The following COL20A1 variants were observed in gnomAD, a reference collection of about 807,000 sequenced individuals.
The protein encoded by COL20A1 is collagen type XX alpha 1 chain, also known as collagen alpha-1(XX) chain.
A neutral mutation model predicts 152.9 loss-of-function variants in COL20A1; 164 were observed. The ratio of observed to expected loss-of-function variants is 1.07; its 90% confidence interval spans 0.94 to 1.22. The LOEUF (loss-of-function observed/expected upper bound fraction) is 1.22, where lower values mean the gene tolerates loss of function less well. Among genes scored for constraint, COL20A1 ranks in the 50% most tolerant of loss-of-function variants. The probability of loss-of-function intolerance (pLI) is 0.00; values close to 1 mark genes in which losing one functional copy is unlikely to be tolerated. For synonymous variants in COL20A1, 864 were observed against 756.0 expected (o/e 1.14, Z -2.34); for missense variants, 1,873 against 1,744.8 (o/e 1.07, Z -1.31).
At chr20:63,295,779 G>A (rs549366194) in intron 2 of COL20A1, among the ~76,000 whole-genome samples, 1 of 152,246 alleles carries the variant, frequency 6.6e-6, no homozygotes, top group African/African-American at 2.4e-5. Context: ...TCTTCCTCCT[G>A]TTGAGAAATG....
intron 34 of COL20A1, 104 bp downstream of exon 34, chr20:63,328,602 C>G: frequency 1.8e-6 from 2 of 1,119,004 alleles, no homozygotes; most frequent in Non-Finnish European, 2.5e-6. Flanking sequence ...CACAGCAGCT[C>G]CTGCTGGAGA....
At chr20:63,308,115 T>C in intron 7 of COL20A1, 25 bp downstream of exon 7, 1 of 1,610,624 alleles carries the variant, frequency 6.2e-7, no homozygotes. Context: ...TGCCCCTCCC[T>C]CTGTCCTGAG....
At chr20:63,328,826 C>T (rs1471558464) in intron 34 of COL20A1, among the ~76,000 whole-genome samples, 2 of 151,294 alleles carry the variant, frequency 1.3e-5, no homozygotes, top group African/African-American at 2.4e-5. Context: ...CCCTCCCGCC[C>T]TCCTGTCCTC....
At position 63,330,982 on chromosome 20, in the gene COL20A1, C is replaced by G. The variant is rs942579640; in HGVS notation, c.*266C>G. On this transcript the variant is annotated 3_prime_UTR_variant, in exon 36 of 36. Coordinates refer to ENST00000358894, the MANE Select transcript of COL20A1 (RefSeq NM_020882.4). ...CCTGGGAGAGTGTCCCCCACCCTGG[C>G]TCTGTGCACCCCACCTTGAGGCCCT... is the stretch of plus-strand genomic sequence containing the variant. 3 of 152,436 alleles carry G rather than the reference C, an allele frequency of 2.0e-5. No homozygotes were observed. The highest frequency in any genetic ancestry group is 7.2e-5 in the African/African-American group (3 of 41,454). The allele number at this position is 152,436 out of a possible 1,614,324, so 9.4% of individuals were successfully genotyped here.
intron 3 of COL20A1, among the ~76,000 whole-genome samples, chr20:63,300,280 T>G (rs747177431): frequency 1.3e-5 from 2 of 152,242 alleles, no homozygotes; most frequent in Admixed American, 6.5e-5. Flanking sequence ...TTGTGTAATG[T>G]TGGTGGTATT....
Position 63,321,215 on chromosome 20 carries a change from CAG to C in COL20A1, c.3240+119_3240+120del, listed in dbSNP as rs529706310. The C allele has an allele frequency of 3.0e-5, 20 of 658,180 alleles. No homozygotes were observed. In the East Asian group the frequency reaches 4.1e-4, roughly 14 times the overall value. 40.8% of individuals were successfully genotyped at this position (658,180 alleles called of 1,614,324 possible). On this transcript the variant is annotated intron_variant, in intron 26 of 35. Coordinates refer to ENST00000358894, the MANE Select transcript of COL20A1 (RefSeq NM_020882.4). ...CCCGGTCCATGCCCCCGTCCTGCCG[CAG>C]AGTTGGGATGTATTTCATGAGCCTC...
In COL20A1 at chr20:63,305,402, C is replaced by G; in HGVS notation, c.194-15C>G. 6.7e-7 allele frequency: 1 copy of G among 1,488,904 alleles called. No homozygotes were observed. The highest frequency in any genetic ancestry group is 8.9e-7 in the Non-Finnish European group (1 of 1,122,490). The allele number at this position is 1,488,904 out of a possible 1,614,324, so 92.2% of individuals were successfully genotyped here. On this transcript the variant is annotated splice_polypyrimidine_tract_variant and intron_variant, in intron 3 of 35. Transcript: ENST00000358894. This position sits in a 1 kb window ranked among gnomAD's most constrained non-coding sequence, Gnocchi z 4.9. The stretch of plus-strand genomic sequence containing the variant: ...GTGCACCTTGGCCTCTAAAGCTCTC[C>G]CCACCCCTACCCAGGGGACTCGGAA...
At position 63,319,973 on chromosome 20, in the gene COL20A1, C is replaced by T. The variant is rs2068137197; in HGVS notation, c.2917-66C>T. On this transcript the variant is annotated intron_variant, in intron 23 of 35. Transcript: ENST00000358894. The surrounding 1 kb of genome is among the most constrained non-coding windows in gnomAD (Gnocchi z 4.4). ...GTGTTACTCCCCAGCCCTGGCCTGG[C>T]CTTGGGGGCTCAGGTGGGCACCGGC... 7.5e-7 allele frequency: 1 copy of T among 1,325,394 alleles called. No homozygotes were observed. The highest frequency in any genetic ancestry group is 9.9e-7 in the Non-Finnish European group (1 of 1,012,074). The allele number at this position is 1,325,394 out of a possible 1,614,324, so 82.1% of individuals were successfully genotyped here. A position where few individuals can be genotyped will look rare whatever the true frequency, so the allele number is the denominator to read the frequency against.
Position 63,322,000 on chromosome 20 carries a change from TG to T in COL20A1, c.3241-57del. 3 of 1,436,350 alleles carry T rather than the reference TG, an allele frequency of 2.1e-6. No homozygotes were observed. The South Asian group carries it at 4.0e-5, about 19-fold the overall frequency. The allele number at this position is 1,436,350 out of a possible 1,614,324, so 89.0% of individuals were successfully genotyped here. On this transcript the variant is annotated intron_variant, in intron 26 of 35. Transcript: ENST00000358894. ...GGCATGGGGCTCAGGGGCTGGTCTT[TG>T]CTCCTCTACCTTGGTTGGGTAGTTC...
intron 3 of COL20A1, among the ~76,000 whole-genome samples, chr20:63,304,130 C>A (rs1337121470): frequency 1.6e-5 from 2 of 127,276 alleles, no homozygotes; most frequent in African/African-American, 6.1e-5. Context: ...CCTCCCTCCT[C>A]TTCTCCCTCC....
chr20:63,313,902 G>GTAGA lies in COL20A1; in HGVS notation c.2358+12_2358+15dup. On this transcript the variant is annotated intron_variant, in intron 18 of 35. Transcript: ENST00000358894. This position sits in a 1 kb window ranked among gnomAD's most constrained non-coding sequence, Gnocchi z 5.9. The stretch of plus-strand genomic sequence containing the variant: ...GGACCCGAGAAATCCGTGAGTCTTG[G>GTAGA]TAGAGCCTGAGGCTGCCCCACCTCG... 2 of 1,595,316 alleles carry GTAGA rather than the reference G, an allele frequency of 1.3e-6. No homozygotes were observed. The highest frequency in any genetic ancestry group is 4.5e-5 in the East Asian group (2 of 44,764).
intron 5 of COL20A1, among the ~76,000 whole-genome samples, 193 bp from the exon 6 acceptor site, chr20:63,307,297 G>A (rs903625223): frequency 5.3e-5 from 8 of 152,240 alleles, no homozygotes; most frequent in Non-Finnish European, 8.8e-5. Flanking sequence ...TCACATTAGC[G>A]GTGGCTCGAT....
At position 63,305,954 on chromosome 20, in the gene COL20A1, C is replaced by A. The variant is rs777070449; in HGVS notation, c.411C>A (p.Thr137=). The A allele has an allele frequency of 6.2e-7, 1 of 1,612,688 alleles. No homozygotes were observed. Among genetic ancestry groups the A allele is most frequent in the African/African-American group, 1.3e-5 (1 of 75,054 alleles). ...RPLGSGAPEP[T]PSHTGSPDPE... is the part of the protein sequence containing the mutation. ...TCGGCTCTGGAGCCCCGGAGCCCAC[C>A]CCCTCCCACACGGGGAGCCCAGACC... The change falls in exon 5 of 36, where the codon ACC becomes ACA. Residue 137 remains threonine, a synonymous_variant. Transcript: ENST00000358894. The surrounding 1 kb of genome is among the most constrained non-coding windows in gnomAD (Gnocchi z 4.9).
chr20:63,318,947 A>G, intron 21 of COL20A1, 111 bp from the exon 22 acceptor site: 1 of 829,314 alleles, frequency 1.2e-6, no homozygotes, highest in South Asian at 1.6e-5. Flanking sequence ...TGACCCTCAG[A>G]GCAGCCTCAG....
At position 63,305,525 on chromosome 20, in the gene COL20A1, C is replaced by G. The variant is rs1343464905; in HGVS notation, c.302C>G (p.Ser101Cys). 6.2e-7 allele frequency: 1 copy of G among 1,606,066 alleles called. No homozygotes were observed. Among genetic ancestry groups the G allele is most frequent in the Admixed American group, 1.7e-5 (1 of 58,664 alleles). Residue 101 changes from serine to cysteine, a missense_variant, in exon 4 of 36, where the codon TCT becomes TGT. Transcript: ENST00000358894. The surrounding 1 kb of genome is among the most constrained non-coding windows in gnomAD (Gnocchi z 4.9). The stretch of plus-strand genomic sequence containing the variant: ...TTGCAGATCTTCGAGCTCACTGGCT[C>G]TGGGCGCTTCCTGCTAGCTCGGAGG... ...YTLQIFELTG[S>C]GRFLLARREF... is the part of the protein sequence containing the mutation.
rs1024032246 is a variant in COL20A1 at position 63,313,901 on chromosome 20, G to T, written c.2358+10G>T. ...GGGACCCGAGAAATCCGTGAGTCTT[G>T]GTAGAGCCTGAGGCTGCCCCACCTC... On this transcript the variant is annotated intron_variant, in intron 18 of 35. Transcript: ENST00000358894. This position sits in a 1 kb window ranked among gnomAD's most constrained non-coding sequence, Gnocchi z 5.9. 6.3e-7 allele frequency: 1 copy of T among 1,594,980 alleles called. No homozygotes were observed. Among genetic ancestry groups the T allele is most frequent in the Non-Finnish European group, 8.5e-7 (1 of 1,171,122 alleles).
Position 63,305,397 on chromosome 20 carries a change from C to T in COL20A1, c.194-20C>T, listed in dbSNP as rs577446027. 2.0e-6 allele frequency: 3 copies of T among 1,475,518 alleles called. No homozygotes were observed. Among genetic ancestry groups the T allele is most frequent in the African/African-American group, 2.9e-5 (2 of 69,526 alleles). The allele number at this position is 1,475,518 out of a possible 1,614,324, so 91.4% of individuals were successfully genotyped here. A position where few individuals can be genotyped will look rare whatever the true frequency, so the allele number is the denominator to read the frequency against. On this transcript the variant is annotated intron_variant, in intron 3 of 35. Coordinates refer to ENST00000358894, the MANE Select transcript of COL20A1 (RefSeq NM_020882.4). The surrounding 1 kb of genome is among the most constrained non-coding windows in gnomAD (Gnocchi z 4.9). ...CACGTGTGCACCTTGGCCTCTAAAG[C>T]TCTCCCCACCCCTACCCAGGGGACT... is the stretch of plus-strand genomic sequence containing the variant.
In COL20A1 at chr20:63,316,571, C is replaced by T; in HGVS notation, c.2543C>T (p.Ala848Val). 6.3e-7 allele frequency: 1 copy of T among 1,590,922 alleles called. No homozygotes were observed. Among genetic ancestry groups the T allele is most frequent in the Non-Finnish European group, 8.6e-7 (1 of 1,168,954 alleles). Residue 848 changes from alanine (A) to valine (V), a missense_variant, in exon 21 of 36, where the codon GCC (alanine) becomes GTC (valine). Physicochemically the swap from Ala to Val is moderately conservative, Grantham distance 64 (BLOSUM62 0). Coordinates refer to ENST00000358894, the MANE Select transcript of COL20A1 (RefSeq NM_020882.4). Reference sequence around the variant, plus strand: ...TCCCCAGGGTTTGACCTGATGGTGGCCTTCAGCCTGGTGGAAAAGGCTTAT... The same window carrying T: ...TCCCCAGGGTTTGACCTGATGGTGGTCTTCAGCCTGGTGGAAAAGGCTTAT... ...GSLPGFDLMV[A>V]FSLVEKAYAS...
intron 27 of COL20A1, chr20:63,324,217 C>A (rs1202482367): frequency 1.3e-5 from 2 of 152,202 alleles, no homozygotes; most frequent in African/African-American, 4.8e-5. Context: ...CAATTATCTT[C>A]TTTGTGGTTT....
Sources: allele counts gnomAD v4.1 joint callset (sites outside exome capture counted in the v4.1 genomes callset), GRCh38; gene constraint gnomAD v4.1.1; non-coding constraint Gnocchi (gnomAD v3.1); transcripts MANE v1.5; gene names NCBI Gene and HGNC (gene_info 2026-07-23, HGNC 2026-07-21).